Variants in PSAP observed in about 807,000 individuals in gnomAD.
PSAP encodes prosaposin.
A neutral mutation model predicts 66.0 loss-of-function variants in PSAP; 25 were observed. The observed-to-expected ratio is 0.38, with a 90% CI of 0.28 to 0.53. The LOEUF is 0.53. Among genes scored for constraint, PSAP ranks in the 20% least tolerant of loss-of-function variants. The probability of loss-of-function intolerance (pLI) is 0.83; values close to 1 mark genes in which losing one functional copy is unlikely to be tolerated. For synonymous variants in PSAP, 273 were observed against 258.9 expected, an observed-to-expected ratio of 1.05 and a Z score of -0.52; for missense variants, 649 against 668.8, an observed-to-expected ratio of 0.97 and a Z score of 0.33.
intron 1 of PSAP, among the ~76,000 whole-genome samples, chr10:71,841,167 C>T (rs1186061173): frequency 3.9e-5 from 6 of 152,240 alleles, no homozygotes; most frequent in Non-Finnish European, 8.8e-5. Context: ...GAAAGCTCCA[C>T]TGCAGATCCA....
At chr10:71,847,790 C>T (rs1457692073) in intron 1 of PSAP, among the ~76,000 whole-genome samples, 3 of 152,146 alleles carry the variant, frequency 2.0e-5, no homozygotes, top group Non-Finnish European at 4.4e-5. Context: ...TATTAATAAA[C>T]AGGAGATTTA....
Position 71,845,720 on chromosome 10 carries a change from C to T in PSAP, c.40+5462G>A, listed in dbSNP as rs7922360. On this transcript the variant is annotated intron_variant, in intron 1 of 13. Transcript: ENST00000394936. Reference sequence around the variant, plus strand: ...CGAACTAGGGGGCTGGAACAGACAACCTCAGGTCCAGGATTAGTGACAACA... The same window carrying T: ...CGAACTAGGGGGCTGGAACAGACAATCTCAGGTCCAGGATTAGTGACAACA... Among the ~76,000 whole-genome samples the T allele has an allele frequency of 2.7e-3, 416 of 152,262 alleles. 1 individual carries two copies. The highest frequency in any genetic ancestry group is 9.4e-3 in the African/African-American group (392 of 41,520).
chr10:71,822,247 T>G, intron 7 of PSAP: 1 of 563,610 alleles, frequency 1.8e-6, no homozygotes, highest in Non-Finnish European at 3.2e-6. Context: ...CTAAGGAACA[T>G]CAAACAGAGT....
intron 1 of PSAP, among the ~76,000 whole-genome samples, chr10:71,850,479 T>C (rs551991871): frequency 2.0e-5 from 3 of 152,030 alleles, no homozygotes; most frequent in African/African-American, 7.3e-5. Flanking sequence ...CCAACGTATT[T>C]CTTAAATGTA....
chr10:71,829,697 T>A (rs934764811), intron 4 of PSAP, among the ~76,000 whole-genome samples: 1 of 152,084 alleles, frequency 6.6e-6, no homozygotes, highest in South Asian at 2.1e-4. Flanking sequence ...TCCCCTCAGC[T>A]CTTCTTTAAA....
In PSAP at chr10:71,819,158, G is replaced by A. The variant is rs1193540725; in HGVS notation, c.1351-47C>T. The A allele has an allele frequency of 2.0e-6, 3 of 1,517,442 alleles. No individual in the cohort carries two copies. The Admixed American group carries it at 5.1e-5, about 26-fold the overall frequency. 94.0% of individuals were successfully genotyped at this position (1,517,442 alleles called of 1,614,324 possible). Reference sequence around the variant, plus strand: ...CAGGTCCAGCTCTGGGGGTGTCCGAGCATAGTGGGGCACAAAAGGCCAGGC... The same window carrying A: ...CAGGTCCAGCTCTGGGGGTGTCCGAACATAGTGGGGCACAAAAGGCCAGGC... On this transcript the variant is annotated intron_variant, in intron 11 of 13. Coordinates refer to ENST00000394936, the MANE Select transcript of PSAP (RefSeq NM_002778.4).
Position 71,825,844 on chromosome 10 carries a change from A to G in PSAP, c.770T>C (p.Met257Thr). The change falls in exon 7 of 14, where the codon ATG becomes ACG. Residue 257 changes from methionine (M) to threonine (T), a missense_variant. Coordinates refer to ENST00000394936, the MANE Select transcript of PSAP (RefSeq NM_002778.4). Reference sequence around the variant, plus strand: ...GGCCTCCGTGCCACCTACCATGTGCATCATCATCTGGATAGCAATTTCAGA... The same window carrying G: ...GGCCTCCGTGCCACCTACCATGTGCGTCATCATCTGGATAGCAATTTCAGA... ...QYSEIAIQMM[M>T]HMQPKEICAL... 1 of 1,613,248 alleles carries G rather than the reference A, an allele frequency of 6.2e-7. No individual in the cohort carries two copies. The highest frequency in any genetic ancestry group is 8.5e-7 in the Non-Finnish European group (1 of 1,179,134).
chr10:71,832,321 C>A (rs903007349), intron 2 of PSAP, among the ~76,000 whole-genome samples: 8 of 152,170 alleles, frequency 5.3e-5, no homozygotes, highest in Admixed American at 1.3e-4. Flanking sequence ...CACACCCACA[C>A]TGAACCGTTC....
intron 10 of PSAP, 41 bp from the exon 11 acceptor site, chr10:71,819,663 C>T (rs753034264): frequency 1.1e-5 from 17 of 1,613,950 alleles, no homozygotes; most frequent in Non-Finnish European, 1.4e-5. Flanking sequence ...GCAGGGCCCT[C>T]CCAGACCCAA....
chr10:71,840,371 G>A (rs544256240), intron 1 of PSAP, among the ~76,000 whole-genome samples: 2 of 152,232 alleles, frequency 1.3e-5, no homozygotes, highest in South Asian at 4.1e-4. Context: ...TTTCTCAGAG[G>A]AATTCATGCA....
intron 2 of PSAP, among the ~76,000 whole-genome samples, chr10:71,833,169 G>C (rs1477220795): frequency 6.6e-6 from 1 of 152,152 alleles, no homozygotes; most frequent in Admixed American, 6.5e-5. Context: ...AACCAAATCT[G>C]AAAGTAGTTT....
chr10:71,834,912 A>G (rs1175091704), intron 1 of PSAP, among the ~76,000 whole-genome samples: 3 of 152,230 alleles, frequency 2.0e-5, no homozygotes, highest in Admixed American at 6.5e-5. Context: ...TGTAAAATGG[A>G]TAACAACTGT....
chr10:71,824,878 T>C (rs1842371677), intron 7 of PSAP, among the ~76,000 whole-genome samples: 1 of 152,260 alleles, frequency 6.6e-6, no homozygotes. Flanking sequence ...TGCTTATCTT[T>C]ACCTACTTCA....
chr10:71,818,962 C>G, intron 12 of PSAP, 69 bp downstream of exon 12: 1 of 1,452,380 alleles, frequency 6.9e-7, no homozygotes, highest in East Asian at 2.3e-5. Context: ...TCAGAGCAAC[C>G]CTTCCGGGTC....
At chr10:71,818,516 AG>A in intron 13 of PSAP, 100 bp downstream of exon 13, 1 of 1,028,450 alleles carries the variant, frequency 9.7e-7, no homozygotes, top group Non-Finnish European at 1.5e-6. Context: ...ACATAAAAGC[AG>A]GGTGGAGAGT....
chr10:71,829,439 G>T (rs1005412050), intron 4 of PSAP, among the ~76,000 whole-genome samples: 1 of 152,146 alleles, frequency 6.6e-6, no homozygotes, highest in Non-Finnish European at 1.5e-5. Context: ...TTTAGTGATA[G>T]TAAGTCTCAT....
chr10:71,847,749 C>G (rs764452554), intron 1 of PSAP, among the ~76,000 whole-genome samples: 88 of 151,944 alleles, frequency 5.8e-4, no homozygotes, highest in Non-Finnish European at 1.1e-3. Flanking sequence ...AGGAATTATA[C>G]TCTTATTTTC....
At chr10:71,849,302 G>C (rs2394846) in intron 1 of PSAP, among the ~76,000 whole-genome samples, 61,301 of 152,102 alleles carry the variant, frequency 0.4, 14,351 homozygotes, top group Middle Eastern at 0.53. Flanking sequence ...ATACATTCTT[G>C]AGAGCTGCTG....
intron 1 of PSAP, among the ~76,000 whole-genome samples, chr10:71,848,404 C>A (rs1375907552): frequency 6.6e-6 from 1 of 152,178 alleles, no homozygotes; most frequent in Non-Finnish European, 1.5e-5. Context: ...GTCCTGGCAT[C>A]CCCAGTAAAT....
Sources: gnomAD v4.1 joint callset for allele counts (sites outside exome capture counted in the v4.1 genomes callset) on GRCh38, gnomAD v4.1.1 for gene constraint, MANE v1.5 for transcripts, NCBI Gene and HGNC (gene_info 2026-07-23, HGNC 2026-07-21) for gene names.